POU2F1: variants seen among roughly 807,000 people sequenced by gnomAD.
POU2F1 encodes the protein POU class 2 homeobox 1.
Under a neutral mutation model 84.9 loss-of-function variants are expected in POU2F1, and 16 were observed. The observed-to-expected ratio is 0.19, with a 90% CI of 0.13 to 0.29. The LOEUF (loss-of-function observed/expected upper bound fraction) is 0.29, where lower values mean the gene tolerates loss of function less well. Ranked by LOEUF, POU2F1 falls within the 10% of genes least tolerant of loss-of-function variation. The probability of loss-of-function intolerance (pLI) is 1.00; values close to 1 mark genes in which losing one functional copy is unlikely to be tolerated. For missense variants in POU2F1, 738 were observed against 942.6 expected (o/e 0.78, Z 2.84); for synonymous variants, 368 against 368.3 (o/e 1.00, Z 0.01).
At chr1:167,299,187 A>G (rs1008833282) in intron 1 of POU2F1, among the ~76,000 whole-genome samples, 2 of 150,882 alleles carry the variant, frequency 1.3e-5, no homozygotes, top group African/African-American at 2.4e-5. Flanking sequence ...AAAAAAAAGA[A>G]TTATGGAAAG....
chr1:167,370,318 C>A, intron 4 of POU2F1, 104 bp downstream of exon 4: 2 of 894,662 alleles, frequency 2.2e-6, no homozygotes, highest in Admixed American at 2.9e-5. Context: ...AGAAGTATTA[C>A]CTTTTCAAAA....
chr1:167,426,289 A>C lies in POU2F1; in HGVS notation c.*10479A>C, dbSNP rs531615684. The C allele has an allele frequency of 6.6e-6, 1 of 152,320 alleles. No individual in the cohort carries two copies. The highest frequency in any genetic ancestry group is 1.5e-5 in the Non-Finnish European group (1 of 68,032). The allele number at this position is 152,320 out of a possible 1,614,324, so 9.4% of individuals were successfully genotyped here. On this transcript the variant is annotated 3_prime_UTR_variant, in exon 16 of 16. Transcript: ENST00000367866. The stretch of plus-strand genomic sequence containing the variant: ...GTTTGTTTCAGTGTAATGCTCTTAA[A>C]GTCATAGCATGAAAATAATTGAACT...
Position 167,399,305 on chromosome 1 carries a change from A to C in POU2F1, c.1389A>C (p.Pro463=), listed in dbSNP as rs190679158. Residue 463 remains proline, a synonymous_variant, in exon 12 of 16, where the codon CCA becomes CCC. Transcript: ENST00000367866. ...RRQKEKRINP[P]SSGGTSSSPI... ...AGAAAGAAAAAAGAATCAACCCACC[A>C]AGCAGTGGTGGGACCAGCAGCTCAC... 3.7e-6 allele frequency: 6 copies of C among 1,614,124 alleles called. No individual in the cohort carries two copies. The highest frequency in any genetic ancestry group is 8.5e-7 in the Non-Finnish European group (1 of 1,179,996).
chr1:167,347,421 A>C (rs767053184), intron 2 of POU2F1, among the ~76,000 whole-genome samples: 2 of 152,192 alleles, frequency 1.3e-5, no homozygotes, highest in Non-Finnish European at 2.9e-5. Context: ...AACAGATCAT[A>C]AGCAGCCATT....
At chr1:167,367,818 T>G (rs1054991718) in intron 3 of POU2F1, among the ~76,000 whole-genome samples, 11 of 152,020 alleles carry the variant, frequency 7.2e-5, no homozygotes, top group African/African-American at 2.7e-4. Flanking sequence ...AAATGAGGTC[T>G]TATTATGTTG....
intron 9 of POU2F1, among the ~76,000 whole-genome samples, chr1:167,391,559 C>CTTTTTTTTTTTTT (rs1175783404): frequency 3.5e-5 from 2 of 57,876 alleles, no homozygotes; most frequent in Non-Finnish European, 6.0e-5. Context: ...TTATATATAT[C>CTTTTTTTTTTTTT]TTTTTTTTTT....
chr1:167,313,962 G>A (rs568591350), intron 1 of POU2F1, among the ~76,000 whole-genome samples: 2 of 152,230 alleles, frequency 1.3e-5, no homozygotes, highest in African/African-American at 2.4e-5. Context: ...ACTTTGGGAG[G>A]CTGAGGCAGG....
intron 8 of POU2F1, among the ~76,000 whole-genome samples, chr1:167,387,880 G>A (rs1044261418): frequency 1.3e-5 from 2 of 152,136 alleles, no homozygotes; most frequent in African/African-American, 4.8e-5. Flanking sequence ...ACTATACATG[G>A]ATTTAAATAA....
intron 1 of POU2F1, among the ~76,000 whole-genome samples, chr1:167,277,175 C>T (rs1652785299): frequency 6.6e-6 from 1 of 152,086 alleles, no homozygotes. Flanking sequence ...CGTGCTTTCT[C>T]GGTTCTCTTC....
At chr1:167,240,603 G>C (rs976854187) in intron 1 of POU2F1, among the ~76,000 whole-genome samples, 1 of 152,162 alleles carries the variant, frequency 6.6e-6, no homozygotes, top group African/African-American at 2.4e-5. Flanking sequence ...TGTGGAAACT[G>C]TTAGTTTCTT....
chr1:167,232,721 T>C (rs1649155933), intron 1 of POU2F1, among the ~76,000 whole-genome samples: 1 of 151,804 alleles, frequency 6.6e-6, no homozygotes, highest in South Asian at 2.1e-4. Flanking sequence ...CACACGCCCA[T>C]AATCCCAGCT....
At chr1:167,401,230 C>T (rs1053307422) in intron 12 of POU2F1, among the ~76,000 whole-genome samples, 1 of 152,112 alleles carries the variant, frequency 6.6e-6, no homozygotes, top group African/African-American at 2.4e-5. Context: ...TAGAGTATAT[C>T]TGTCTCAACG....
intron 1 of POU2F1, among the ~76,000 whole-genome samples, chr1:167,242,877 A>G (rs973059449): frequency 6.6e-6 from 1 of 152,200 alleles, no homozygotes; most frequent in African/African-American, 2.4e-5. Context: ...TCAGAAAACT[A>G]TTAATCATAC....
chr1:167,415,024 G>T (rs1204608897), intron 15 of POU2F1, among the ~76,000 whole-genome samples: 1 of 152,116 alleles, frequency 6.6e-6, no homozygotes, highest in Non-Finnish European at 1.5e-5. Flanking sequence ...ATCTAATGCC[G>T]CCACTGATCT....
intron 1 of POU2F1, among the ~76,000 whole-genome samples, chr1:167,247,834 A>G (rs1339032304): frequency 6.6e-6 from 1 of 152,252 alleles, no homozygotes; most frequent in Non-Finnish European, 1.5e-5. Flanking sequence ...GAATATTTAT[A>G]CCATGCAATC....
rs1650608109 is a variant in POU2F1 at position 167,420,860 on chromosome 1, G to A, written c.*5050G>A. 2 of 152,154 alleles carry A rather than the reference G, an allele frequency of 1.3e-5. No homozygotes were observed. Among genetic ancestry groups the A allele is most frequent in the East Asian group, 1.9e-4 (1 of 5,200 alleles). 9.4% of individuals were successfully genotyped at this position (152,154 alleles called of 1,614,324 possible). ...CCCCAACAATTCATTTGGAGAGCTT[G>A]GCCAAATACTTTCTCATTAAATCAG... is the stretch of plus-strand genomic sequence containing the variant. On this transcript the variant is annotated 3_prime_UTR_variant, in exon 16 of 16. Transcript: ENST00000367866.
rs749305911 is a variant in POU2F1, at chr1:167,412,046, G to A, written c.1643G>A (p.Ser548Asn). The change falls in exon 14 of 16, where the codon AGT (serine) becomes AAT (asparagine). Residue 548 changes from serine to asparagine, a missense_variant. Coordinates refer to ENST00000367866, the MANE Select transcript of POU2F1 (RefSeq NM_002697.4). ...ASSAVTSPSLSPSPSASASTS... is the reference protein window; with the variant it reads ...ASSAVTSPSLNPSPSASASTS... ...TCAGCAGTCACGTCCCCCTCTCTGA[G>A]TCCCTCCCCTTCTGCCTCAGCCTCC... The A allele has an allele frequency of 3.1e-6, 5 of 1,614,168 alleles. No homozygotes were observed. Among genetic ancestry groups the A allele is most frequent in the Non-Finnish European group, 8.5e-7 (1 of 1,180,026 alleles).
intron 1 of POU2F1, among the ~76,000 whole-genome samples, chr1:167,259,301 A>T (rs531288384): frequency 6.6e-6 from 1 of 152,316 alleles, no homozygotes; most frequent in South Asian, 2.1e-4. Flanking sequence ...GATTTGAGGG[A>T]TGCAGCTCTT....
rs1008000832 is a variant in POU2F1 at position 167,389,678 on chromosome 1, T to C, written c.904T>C (p.Leu302=). 1 of 1,614,098 alleles carries C rather than the reference T, an allele frequency of 6.2e-7. No homozygotes were observed. ...ACCAAAGCGAATTGATACTCCCAGC[T>C]TGGAGGAGCCCAGTGACCTTGAGGA... is the stretch of plus-strand genomic sequence containing the variant. ...STPKRIDTPS[L]EEPSDLEELE... The change falls in exon 9 of 16, where the codon TTG becomes CTG. Residue 302 remains leucine, a synonymous_variant. Transcript: ENST00000367866.
Sources: gnomAD v4.1 joint callset for allele counts (sites outside exome capture counted in the v4.1 genomes callset) on GRCh38, gnomAD v4.1.1 for gene constraint, MANE v1.5 for transcripts, NCBI Gene and HGNC (gene_info 2026-07-23, HGNC 2026-07-21) for gene names.